CNTD1: variants seen among roughly 807,000 people sequenced by gnomAD.
The protein encoded by CNTD1 is cyclin N-terminal domain-containing protein 1.
A neutral mutation model predicts 36.3 loss-of-function variants in CNTD1; 17 were observed. The ratio of observed to expected loss-of-function variants is 0.47; its 90% CI spans 0.32 to 0.70. The LOEUF (loss-of-function observed/expected upper bound fraction) is 0.70. Among genes scored for constraint, CNTD1 ranks in the 30% least tolerant of loss-of-function variants. The pLI, the probability that CNTD1 is intolerant of heterozygous loss-of-function variation, is 0.03. For synonymous variants in CNTD1, 128 were observed against 153.3 expected (o/e 0.83, Z 1.22); for missense variants, 338 against 386.1 (o/e 0.88, Z 1.04).
chr17:42,810,752 GAA>G lies in CNTD1; in HGVS notation c.*1222_*1223del. The G allele has an allele frequency of 6.3e-7, 1 of 1,592,246 alleles. No individual in the cohort carries two copies. The highest frequency in any genetic ancestry group is 1.2e-5 in the South Asian group (1 of 86,106). The stretch of plus-strand genomic sequence containing the variant: ...CCTTTAAGGCAAACCTCCCCCTAAG[GAA>G]AAAAGTCATTTGTTATAAAATTGTG... On this transcript the variant is annotated 3_prime_UTR_variant, in exon 7 of 7. Coordinates refer to ENST00000588408, the MANE Select transcript of CNTD1 (RefSeq NM_173478.3).
intron 3 of CNTD1, among the ~76,000 whole-genome samples, chr17:42,804,740 G>A (rs113030156): frequency 3.9e-5 from 6 of 152,078 alleles, no homozygotes; most frequent in African/African-American, 7.2e-5. Context: ...CCTGGGAGGC[G>A]GAGGTTGCAG....
intron 5 of CNTD1, among the ~76,000 whole-genome samples, chr17:42,807,095 A>C (rs1184840574): frequency 6.6e-6 from 1 of 152,142 alleles, no homozygotes; most frequent in Non-Finnish European, 1.5e-5. Context: ...ACTCAAGGTT[A>C]CTGGACTGCT....
At chr17:42,804,653 C>G (rs763816155) in intron 3 of CNTD1, among the ~76,000 whole-genome samples, 1 of 152,026 alleles carries the variant, frequency 6.6e-6, no homozygotes, top group Non-Finnish European at 1.5e-5. Flanking sequence ...ACTAAAAATA[C>G]AAAAATTAGC....
chr17:42,801,545 ATAATATATGTGTG>A (rs2054794219), intron 1 of CNTD1, among the ~76,000 whole-genome samples: 5 of 48,642 alleles, frequency 1.0e-4, no homozygotes, highest in Non-Finnish European at 1.9e-4. Context: ...ATATATATAT[ATAATATATGTGTG>A]TGTGTGTGTG....
intron 5 of CNTD1, among the ~76,000 whole-genome samples, chr17:42,807,426 AAAG>A: frequency 6.6e-6 from 1 of 152,280 alleles, no homozygotes; most frequent in Non-Finnish European, 1.5e-5. Context: ...GAAAAAGAAA[AAAG>A]AAAAAAAAAA....
At position 42,809,630 on chromosome 17, in the gene CNTD1, T is replaced by A; in HGVS notation, c.*95T>A. 1 of 1,174,216 alleles carries A rather than the reference T, an allele frequency of 8.5e-7. No individual in the cohort carries two copies. The highest frequency in any genetic ancestry group is 1.2e-6 in the Non-Finnish European group (1 of 826,014). 72.7% of individuals were successfully genotyped at this position (1,174,216 alleles called of 1,614,324 possible). On this transcript the variant is annotated 3_prime_UTR_variant, in exon 7 of 7. Coordinates refer to ENST00000588408, the MANE Select transcript of CNTD1 (RefSeq NM_173478.3). ...ATACTAAGGGTACAAAAATTCCAAG[T>A]CTCTTTTGAACTGTATTTTGTATGC...
rs2054971658 is a variant in CNTD1, at chr17:42,810,473, AAAAAG to A, written c.*944_*948del. ...TCAATCTCAATTCAACTCAGTTAAA[AAAAAG>A]AAAAGCAAATTTAAATTAGTTTTTT... On this transcript the variant is annotated 3_prime_UTR_variant, in exon 7 of 7. Coordinates refer to ENST00000588408, the MANE Select transcript of CNTD1 (RefSeq NM_173478.3). 9.1e-6 allele frequency: 2 copies of A among 218,788 alleles called. No individual in the cohort carries two copies. The highest frequency in any genetic ancestry group is 3.1e-4 in the South Asian group (2 of 6,460). 13.6% of individuals were successfully genotyped at this position (218,788 alleles called of 1,614,324 possible).
chr17:42,809,454 C>T lies in CNTD1; in HGVS notation c.912C>T (p.Ala304=). ...CAATCCTGACTCACGGAGTGGGAGC[C>T]AACACTCCGGGGAGACAGCAGTCTA... ...SYAILTHGVG[A]NTPGRQQSIP... The change falls in exon 7 of 7, where the codon GCC becomes GCT. Residue 304 remains alanine, a synonymous_variant. Coordinates refer to ENST00000588408, the MANE Select transcript of CNTD1 (RefSeq NM_173478.3). The T allele has an allele frequency of 6.2e-7, 1 of 1,613,922 alleles. No individual in the cohort carries two copies. The highest frequency in any genetic ancestry group is 8.5e-7 in the Non-Finnish European group (1 of 1,179,782).
At chr17:42,808,668 A>T (rs2054926186) in intron 6 of CNTD1, among the ~76,000 whole-genome samples, 1 of 151,808 alleles carries the variant, frequency 6.6e-6, no homozygotes, top group Non-Finnish European at 1.5e-5. Flanking sequence ...CAGGAGTTGG[A>T]GGCTGCAGTG....
chr17:42,809,440 C>CA lies in CNTD1; in HGVS notation c.899dup (p.His300GlnfsTer30), dbSNP rs1252959495. On this transcript the variant is annotated frameshift_variant, in exon 7 of 7. Coordinates refer to ENST00000588408, the MANE Select transcript of CNTD1 (RefSeq NM_173478.3). LOFTEE classifies it high-confidence loss of function. ...TGAGTTCTCTTATGCAATCCTGACTCACGGAGTGGGAGCCAACACTCCGGG... is the reference window on the plus strand; with the variant it reads ...TGAGTTCTCTTATGCAATCCTGACTCAACGGAGTGGGAGCCAACACTCCGGG... The CA allele has an allele frequency of 6.2e-7, 1 of 1,614,198 alleles. No individual in the cohort carries two copies. Among genetic ancestry groups the CA allele is most frequent in the Admixed American group, 1.7e-5 (1 of 60,026 alleles).
chr17:42,806,762 A>C lies in CNTD1; in HGVS notation c.669A>C (p.Ile223=). ...TGGTCTATCTTCTGCATGAACCCATATATGAGAGCCTGTTGAGGGCTTCAA... is the reference window on the plus strand; with the variant it reads ...TGGTCTATCTTCTGCATGAACCCATCTATGAGAGCCTGTTGAGGGCTTCAA... ...LDLVYLLHEP[I]YESLLRASIE... is the part of the protein sequence containing the mutation. The change falls in exon 5 of 7, where the codon ATA becomes ATC. Residue 223 remains isoleucine (I), a synonymous_variant. Coordinates refer to ENST00000588408, the MANE Select transcript of CNTD1 (RefSeq NM_173478.3). 6.2e-7 allele frequency: 1 copy of C among 1,614,140 alleles called. No homozygotes were observed. The highest frequency in any genetic ancestry group is 8.5e-7 in the Non-Finnish European group (1 of 1,180,014).
At chr17:42,799,472 C>T (rs1410043070) in intron 1 of CNTD1, among the ~76,000 whole-genome samples, 1 of 152,034 alleles carries the variant, frequency 6.6e-6, no homozygotes, top group Non-Finnish European at 1.5e-5. Context: ...AAATAGAGGG[C>T]CAGGCATGGT....
rs114991476 is a variant in CNTD1 at position 42,803,539 on chromosome 17, G to A, written c.170-81G>A. The A allele has an allele frequency of 1.6e-4, 177 of 1,074,048 alleles. No individual in the cohort carries two copies. The African/African-American group carries it at 2.0e-3, about 12-fold the overall frequency. The allele number at this position is 1,074,048 out of a possible 1,614,324, so 66.5% of individuals were successfully genotyped here. A position where few individuals can be genotyped will look rare whatever the true frequency, so the allele number is the denominator to read the frequency against. On this transcript the variant is annotated intron_variant, in intron 1 of 6. Transcript: ENST00000588408. ...GACCCTCTTCCCTTGGCCCCATCAC[G>A]GCTTTTACACAATGCCAAGAGTTCA...
At chr17:42,801,528 TA>T (rs2054790757) in intron 1 of CNTD1, among the ~76,000 whole-genome samples, 3 of 80,704 alleles carry the variant, frequency 3.7e-5, no homozygotes, top group Non-Finnish European at 7.0e-5. Context: ...TATATATATA[TA>T]TATATATATA....
chr17:42,798,845 T>G, upstream of CNTD1: 1 of 1,441,638 alleles, frequency 6.9e-7, no homozygotes, highest in Non-Finnish European at 9.1e-7. Flanking sequence ...GAAGCGGACG[T>G]GCTTTCTGAT....
chr17:42,808,235 C>A (rs1011157), intron 6 of CNTD1, among the ~76,000 whole-genome samples: 13 of 151,748 alleles, frequency 8.6e-5, no homozygotes, highest in East Asian at 1.9e-4. Context: ...CACAGCAAGA[C>A]CTTGTCTCTA....
rs758296405 is a variant in CNTD1, at chr17:42,806,716, C to A, written c.623C>A (p.Thr208Asn). The A allele has an allele frequency of 5.6e-6, 9 of 1,613,978 alleles. No individual in the cohort carries two copies. Among genetic ancestry groups the A allele is most frequent in the African/African-American group, 1.3e-5 (1 of 74,902 alleles). The change falls in exon 5 of 7, where the codon ACC (threonine) becomes AAC (asparagine). Residue 208 changes from threonine to asparagine, a missense_variant. By Grantham distance (65) the Thr-to-Asn change is moderately conservative (BLOSUM62 0). Transcript: ENST00000588408. Reference protein sequence around the residue: ...CLVPAMRLHATCLTLLDLVYL... With the variant: ...CLVPAMRLHANCLTLLDLVYL... ...GTTCCAGCCATGAGGCTGCATGCAA[C>A]CTGCCTGACACTGCTCGACCTGGTC...
intron 1 of CNTD1, 95 bp from the exon 2 acceptor site, chr17:42,803,525 C>T: frequency 1.1e-6 from 1 of 897,862 alleles, no homozygotes; most frequent in Non-Finnish European, 1.8e-6. Context: ...ACCCTCTTCC[C>T]TTGGCCCCAT....
At chr17:42,804,542 T>A (rs2054847078) in intron 3 of CNTD1, 146 bp downstream of exon 3, 1 of 675,056 alleles carries the variant, frequency 1.5e-6, no homozygotes, top group East Asian at 3.1e-5. Flanking sequence ...GCGCGGTGGC[T>A]CATGCCTGTA....
Sources: gnomAD v4.1 joint callset for allele counts (sites outside exome capture counted in the v4.1 genomes callset) on GRCh38, gnomAD v4.1.1 for gene constraint, MANE v1.5 for transcripts, NCBI Gene and HGNC (gene_info 2026-07-23, HGNC 2026-07-21) for gene names.